TMEM106B: variants seen among roughly 807,000 people sequenced by gnomAD.
TMEM106B encodes the protein transmembrane protein 106B.
A neutral mutation model predicts 31.1 loss-of-function variants in TMEM106B; 15 were observed. The observed-to-expected ratio is 0.48, with a 90% CI of 0.32 to 0.74. TMEM106B has a LOEUF of 0.74. Ranked by LOEUF, TMEM106B falls within the 30% of genes least tolerant of loss-of-function variation. TMEM106B has a pLI of 0.03. For missense variants in TMEM106B, 283 were observed against 327.3 expected (o/e 0.86, Z 1.04); for synonymous variants, 126 against 112.5 (o/e 1.12, Z -0.76).
chr7:12,225,363 TA>T (rs1424677490), intron 4 of TMEM106B, among the ~76,000 whole-genome samples: 1 of 152,238 alleles, frequency 6.6e-6, no homozygotes, highest in African/African-American at 2.4e-5. Flanking sequence ...GCATGATTTA[TA>T]ATCCTTTGGG....
chr7:12,230,231 GA>G, intron 5 of TMEM106B, 157 bp from the exon 6 acceptor site: 1 of 681,264 alleles, frequency 1.5e-6, no homozygotes, highest in South Asian at 1.6e-5. Context: ...AGAAAAAAAA[GA>G]AAAAGAAATG....
Position 12,238,259 on chromosome 7 carries a change from A to T in TMEM106B, c.*6284A>T, listed in dbSNP as rs555643353. 1 of 163,874 alleles carries T rather than the reference A, an allele frequency of 6.1e-6. No individual in the cohort carries two copies. Among genetic ancestry groups the T allele is most frequent in the African/African-American group, 2.4e-5 (1 of 41,764 alleles). 10.2% of individuals were successfully genotyped at this position (163,874 alleles called of 1,614,324 possible). On this transcript the variant is annotated 3_prime_UTR_variant, in exon 8 of 8. Transcript: ENST00000396668. ...AAACCACTTTCTTAGCTCATTCATA[A>T]GAAACAATTCCTCATCTGTTCAAGT...
intron 4 of TMEM106B, among the ~76,000 whole-genome samples, chr7:12,224,942 G>C (rs1583455061): frequency 6.6e-6 from 1 of 151,742 alleles, no homozygotes; most frequent in Non-Finnish European, 1.5e-5. Context: ...TATGTATACA[G>C]GTGCCATGTT....
intron 2 of TMEM106B, 140 bp downstream of exon 2, chr7:12,215,167 T>A: frequency 1.6e-6 from 1 of 638,310 alleles, no homozygotes. Flanking sequence ...TTACCTTCAG[T>A]CAAAAAGATG....
chr7:12,213,904 AT>A (rs1363792850), intron 1 of TMEM106B, among the ~76,000 whole-genome samples: 1 of 152,182 alleles, frequency 6.6e-6, no homozygotes, highest in Non-Finnish European at 1.5e-5. Flanking sequence ...TCAGGCCATG[AT>A]GAAAAGGTGG....
intron 4 of TMEM106B, among the ~76,000 whole-genome samples, chr7:12,224,901 G>A (rs1288081761): frequency 4.6e-5 from 7 of 151,464 alleles, no homozygotes; most frequent in Admixed American, 4.0e-4. Flanking sequence ...AAGTTCTAGG[G>A]TACATGTGCA....
At chr7:12,211,684 C>T (rs1043926196) in intron 1 of TMEM106B, 5 of 152,606 alleles carry the variant, frequency 3.3e-5, no homozygotes, top group Non-Finnish European at 5.9e-5. Flanking sequence ...CCAGGTGGCC[C>T]TCTTCCTTTT....
At position 12,231,217 on chromosome 7, in the gene TMEM106B, T is replaced by C. The variant is rs562574201; in HGVS notation, c.686+102T>C. On this transcript the variant is annotated intron_variant, in intron 7 of 7. Coordinates refer to ENST00000396668, the MANE Select transcript of TMEM106B (RefSeq NM_001134232.2). ...AACATCTTTATAAATGCCACCTCAG[T>C]TGGGTTTTAAGCCTTACAAGAGTGC... is the stretch of plus-strand genomic sequence containing the variant. 4 of 870,956 alleles carry C rather than the reference T, an allele frequency of 4.6e-6. No homozygotes were observed. The East Asian group carries it at 7.8e-5, about 17-fold the overall frequency. The allele number at this position is 870,956 out of a possible 1,614,324, so 54.0% of individuals were successfully genotyped here.
intron 3 of TMEM106B, among the ~76,000 whole-genome samples, chr7:12,220,470 C>G (rs931286436): frequency 2.6e-5 from 4 of 152,118 alleles, no homozygotes; most frequent in South Asian, 2.1e-4. Flanking sequence ...AAAATAGAAG[C>G]TATGAACAGC....
chr7:12,227,152 A>C (rs1307454636), intron 4 of TMEM106B, among the ~76,000 whole-genome samples: 1 of 152,112 alleles, frequency 6.6e-6, no homozygotes, highest in African/African-American at 2.4e-5. Context: ...TTAAATGAAA[A>C]ATAAGATTAT....
intron 7 of TMEM106B, 114 bp downstream of exon 7, chr7:12,231,229 C>T: frequency 5.3e-6 from 4 of 759,992 alleles, no homozygotes; most frequent in South Asian, 5.0e-5. Context: ...GGGTTTTAAG[C>T]CTTACAAGAG....
chr7:12,232,027 C>T lies in TMEM106B; in HGVS notation c.*52C>T. 1 of 1,549,208 alleles carries T rather than the reference C, an allele frequency of 6.5e-7. No homozygotes were observed. On this transcript the variant is annotated 3_prime_UTR_variant, in exon 8 of 8. Coordinates refer to ENST00000396668, the MANE Select transcript of TMEM106B (RefSeq NM_001134232.2). ...GAAATATCTATTGATATTTCCTATA[C>T]TCTCAATGAAGAGGTATTTCCTAAT...
chr7:12,222,883 A>G (rs542878828), intron 3 of TMEM106B, among the ~76,000 whole-genome samples: 20 of 152,354 alleles, frequency 1.3e-4, no homozygotes, highest in African/African-American at 4.6e-4. Context: ...GAGGCACTTT[A>G]ATTGCTCTTG....
chr7:12,214,741 TATCTC>T (rs1781652712), intron 1 of TMEM106B, 63 bp from the exon 2 acceptor site: 2 of 1,217,168 alleles, frequency 1.6e-6, no homozygotes, highest in Non-Finnish European at 2.3e-6. Flanking sequence ...TTAGTGTAAA[TATCTC>T]AGAGTGTTCT....
intron 4 of TMEM106B, among the ~76,000 whole-genome samples, chr7:12,228,860 G>A: frequency 6.6e-6 from 1 of 152,016 alleles, no homozygotes; most frequent in East Asian, 1.9e-4. Context: ...AACTATAAAT[G>A]AATTTGAGCA....
rs562372599 is a variant in TMEM106B at position 12,230,880 on chromosome 7, A to G, written c.633-182A>G. The G allele has an allele frequency of 3.1e-4, 149 of 488,408 alleles. 1 individual carries two copies. Among genetic ancestry groups the G allele is most frequent in the African/African-American group, 2.6e-3 (130 of 50,270 alleles). The allele number at this position is 488,408 out of a possible 1,614,324, so 30.3% of individuals were successfully genotyped here. On this transcript the variant is annotated intron_variant, in intron 6 of 7. Transcript: ENST00000396668. ...CCTGCAACTGCAGTGGCATGAATAC[A>G]TACATGTTTTTCGAGTAAGAAGTCA...
At position 12,219,455 on chromosome 7, in the gene TMEM106B, T is replaced by C. The variant is rs568768327; in HGVS notation, c.281+934T>C. On this transcript the variant is annotated intron_variant, in intron 3 of 7. Transcript: ENST00000396668. The stretch of plus-strand genomic sequence containing the variant: ...TTTAAACATGAGCACCTGGAAAGGA[T>C]TGCAACAAAGCATTATACAAATATA... Among the ~76,000 whole-genome samples, 125 of 152,280 alleles carry C rather than the reference T, an allele frequency of 8.2e-4. 1 individual carries two copies. The highest frequency in any genetic ancestry group is 2.6e-3 in the African/African-American group (108 of 41,554).
At chr7:12,231,255 T>G (rs1438759029) in intron 7 of TMEM106B, 140 bp downstream of exon 7, 2 of 593,390 alleles carry the variant, frequency 3.4e-6, no homozygotes, top group Non-Finnish European at 5.9e-6. Flanking sequence ...TGAGTAAATA[T>G]CACCCACTTT....
Position 12,229,680 on chromosome 7 carries a change from A to T in TMEM106B, c.443A>T (p.Asn148Ile). 4 of 1,565,936 alleles carry T rather than the reference A, an allele frequency of 2.6e-6. No individual in the cohort carries two copies. Among genetic ancestry groups the T allele is most frequent in the Non-Finnish European group, 3.4e-6 (4 of 1,160,506 alleles). Reference sequence around the variant, plus strand: ...ATTTTCTGTGTCCTTTTTTTGTAGAACACACTAAATATAACAAACAATAAC... The same window carrying T: ...ATTTTCTGTGTCCTTTTTTTGTAGATCACACTAAATATAACAAACAATAAC... Reference protein sequence around the residue: ...QKRTIYLNITNTLNITNNNYY... With the variant: ...QKRTIYLNITITLNITNNNYY... Residue 148 changes from asparagine (N) to isoleucine (I), a missense_variant and splice_region_variant, in exon 5 of 8, where the codon AAC becomes ATC. Asn to Ile is a moderately radical substitution (Grantham distance 149, BLOSUM62 -3). Transcript: ENST00000396668.
Sources: gnomAD v4.1 joint callset for allele counts (sites outside exome capture counted in the v4.1 genomes callset) on GRCh38, gnomAD v4.1.1 for gene constraint, MANE v1.5 for transcripts, NCBI Gene and HGNC (gene_info 2026-07-23, HGNC 2026-07-21) for gene names.